The following PDCD6IP variants were observed in gnomAD, a reference collection of about 807,000 sequenced individuals.
PDCD6IP encodes programmed cell death 6-interacting protein.
PDCD6IP carries 43 observed loss-of-function variants against 103.7 expected under a neutral mutation model. The ratio of observed to expected loss-of-function variants is 0.41; its 90% CI spans 0.32 to 0.53. The LOEUF (loss-of-function observed/expected upper bound fraction) is 0.53. PDCD6IP is among the 20% of genes least tolerant of loss of function. The probability of loss-of-function intolerance (pLI) is 0.16; values close to 1 mark genes in which losing one functional copy is unlikely to be tolerated. For synonymous variants in PDCD6IP, 354 were observed against 378.7 expected, an observed-to-expected ratio of 0.93 and a Z score of 0.76; for missense variants, 871 against 1,036.7, an observed-to-expected ratio of 0.84 and a Z score of 2.20.
At chr3:33,840,353 T>G (rs1350857579) in intron 9 of PDCD6IP, among the ~76,000 whole-genome samples, 2 of 152,224 alleles carry the variant, frequency 1.3e-5, no homozygotes, top group Non-Finnish European at 2.9e-5. Flanking sequence ...GGAGGGTTGG[T>G]CTTGCTGTCT....
chr3:33,812,565 A>G (rs188835195), intron 2 of PDCD6IP, among the ~76,000 whole-genome samples: 5 of 152,328 alleles, frequency 3.3e-5, no homozygotes, highest in Middle Eastern at 6.8e-3. Flanking sequence ...AATGTCAACT[A>G]TTTTCTCCTT....
At chr3:33,839,310 C>T (rs1697419465) in intron 9 of PDCD6IP, among the ~76,000 whole-genome samples, 1 of 152,188 alleles carries the variant, frequency 6.6e-6, no homozygotes. Flanking sequence ...ATCATTCTAG[C>T]ATATGCATAT....
chr3:33,835,326 T>C, intron 7 of PDCD6IP: 1 of 456,724 alleles, frequency 2.2e-6, no homozygotes, highest in Non-Finnish European at 4.4e-6. Context: ...GAGGTGCATC[T>C]CAATTCTCTG....
At chr3:33,826,881 G>C (rs947477790) in intron 6 of PDCD6IP, 23 of 1,125,988 alleles carry the variant, frequency 2.0e-5, no homozygotes, top group Non-Finnish European at 2.5e-5. Context: ...GCATTGTGTA[G>C]TTCTGAATCA....
At chr3:33,858,086 AGTT>A (rs1255555980) in intron 15 of PDCD6IP, among the ~76,000 whole-genome samples, 4 of 152,220 alleles carry the variant, frequency 2.6e-5, no homozygotes, top group African/African-American at 7.2e-5. Context: ...TTATTACTGA[AGTT>A]GTTGATCATA....
intron 1 of PDCD6IP, among the ~76,000 whole-genome samples, chr3:33,811,553 A>G (rs975007405): frequency 1.3e-5 from 2 of 152,196 alleles, no homozygotes; most frequent in African/African-American, 4.8e-5. Flanking sequence ...TGCTATGCAG[A>G]AAACAGGTCG....
intron 7 of PDCD6IP, among the ~76,000 whole-genome samples, chr3:33,833,595 G>A (rs1697285793): frequency 6.6e-6 from 1 of 152,046 alleles, no homozygotes; most frequent in Non-Finnish European, 1.5e-5. Context: ...CACTCACTCT[G>A]GTTTGGGCCA....
At chr3:33,800,162 T>C (rs1696442127) in intron 1 of PDCD6IP, among the ~76,000 whole-genome samples, 1 of 149,374 alleles carries the variant, frequency 6.7e-6, no homozygotes, top group African/African-American at 2.5e-5. Flanking sequence ...CTTATTCTGC[T>C]AACTGAAAAG....
intron 3 of PDCD6IP, among the ~76,000 whole-genome samples, chr3:33,814,219 A>G (rs1028167783): frequency 2.7e-5 from 4 of 148,636 alleles, no homozygotes; most frequent in African/African-American, 7.5e-5. Context: ...ATCTTGGCTC[A>G]CTGCAACCTC....
intron 6 of PDCD6IP, chr3:33,828,358 T>C (rs1436503977): frequency 1.3e-5 from 2 of 152,256 alleles, no homozygotes; most frequent in Admixed American, 1.3e-4. Flanking sequence ...AGTGAAAATT[T>C]ACTGTCTTTT....
chr3:33,845,336 G>C (rs1697568415), intron 11 of PDCD6IP, 83 bp from the exon 12 acceptor site: 1 of 982,122 alleles, frequency 1.0e-6, no homozygotes, highest in African/African-American at 1.6e-5. Flanking sequence ...TAAAGTTGGA[G>C]ACTAGAACTC....
chr3:33,861,343 A>C (rs946705879), intron 15 of PDCD6IP, among the ~76,000 whole-genome samples: 1 of 152,098 alleles, frequency 6.6e-6, no homozygotes, highest in Non-Finnish European at 1.5e-5. Flanking sequence ...GGGTTTCACC[A>C]TCTTGGCCAG....
rs189789928 is a variant in PDCD6IP at position 33,843,775 on chromosome 3, A to G, written c.1360-337A>G. 4.0e-5 allele frequency among the ~76,000 whole-genome samples: 6 copies of G among 151,884 alleles called. No individual in the cohort carries two copies. In the East Asian group the frequency reaches 1.2e-3, roughly 29 times the overall value. ...AATTTTATATTTTTTAATGTAATTG[A>G]TCAGTTTTCCCCTTTTGTTTATGGC... On this transcript the variant is annotated intron_variant, in intron 10 of 17. Transcript: ENST00000307296.
At position 33,867,661 on chromosome 3, in the gene PDCD6IP, C is replaced by A. The variant is rs927885684; in HGVS notation, c.*1136C>A. On this transcript the variant is annotated 3_prime_UTR_variant, in exon 18 of 18. Transcript: ENST00000307296. The stretch of plus-strand genomic sequence containing the variant: ...AATCTCTGCCATTAGGATATCTACT[C>A]ACTGTATAAACCTCAGTAAAAATAG... 6 of 152,288 alleles carry A rather than the reference C, an allele frequency of 3.9e-5. No individual in the cohort carries two copies. The South Asian group carries it at 6.2e-4, about 16-fold the overall frequency. The allele number at this position is 152,288 out of a possible 1,614,324, so 9.4% of individuals were successfully genotyped here.
chr3:33,845,287 T>C, intron 11 of PDCD6IP, 132 bp from the exon 12 acceptor site: 1 of 520,856 alleles, frequency 1.9e-6, no homozygotes, highest in Non-Finnish European at 3.4e-6. Flanking sequence ...GCTGTTTTTA[T>C]TATGAAGTGA....
At chr3:33,813,222 GTACT>G (rs1322290839) in intron 2 of PDCD6IP, 6 of 171,818 alleles carry the variant, frequency 3.5e-5, no homozygotes, top group Non-Finnish European at 7.4e-5. Flanking sequence ...GAAACCTGTA[GTACT>G]TACTTTTATT....
chr3:33,802,885 G>A (rs997564651), intron 1 of PDCD6IP, among the ~76,000 whole-genome samples: 1 of 152,114 alleles, frequency 6.6e-6, no homozygotes, highest in African/African-American at 2.4e-5. Context: ...ATACCTTCTC[G>A]TTCCAGCCTC....
chr3:33,853,953 T>G lies in PDCD6IP; in HGVS notation c.1965T>G (p.Asn655Lys). 2 of 1,590,490 alleles carry G rather than the reference T, an allele frequency of 1.3e-6. No individual in the cohort carries two copies. Among genetic ancestry groups the G allele is most frequent in the South Asian group, 2.3e-5 (2 of 85,120 alleles). ...EANLREEVLKNLATAYDNFVE... is the reference protein window; with the variant it reads ...EANLREEVLKKLATAYDNFVE... ...ACTTAAGAGAAGAAGTTTTGAAGAA[T>G]TTAGCTACTGCATATGACAACTTTG... The change falls in exon 14 of 18, where the codon AAT (asparagine) becomes AAG (lysine). Residue 655 changes from asparagine (N) to lysine (K), a missense_variant. By Grantham distance (94) the Asn-to-Lys change is moderately conservative. Coordinates refer to ENST00000307296, the MANE Select transcript of PDCD6IP (RefSeq NM_013374.6).
intron 5 of PDCD6IP, among the ~76,000 whole-genome samples, chr3:33,825,963 A>G (rs1202498050): frequency 6.6e-6 from 1 of 152,178 alleles, no homozygotes; most frequent in Non-Finnish European, 1.5e-5. Flanking sequence ...CACAGTCCCT[A>G]GCCCTGGGAA....
Sources: allele counts gnomAD v4.1 joint callset (sites outside exome capture counted in the v4.1 genomes callset), GRCh38; gene constraint gnomAD v4.1.1; transcripts MANE v1.5; gene names NCBI Gene and HGNC (gene_info 2026-07-23, HGNC 2026-07-21).